SCOC: variants seen among roughly 807,000 people sequenced by gnomAD.
The protein encoded by SCOC is short coiled coil protein.
A neutral mutation model predicts 9.9 loss-of-function variants in SCOC; 7 were observed. That is an observed-to-expected ratio of 0.71 (90% CI 0.40 to 1.33). The LOEUF is 1.33. Ranked by LOEUF, SCOC falls within the 40% of genes most tolerant of loss-of-function variation. SCOC has a pLI of 0.01. For missense variants in SCOC, 66 were observed against 89.7 expected, an observed-to-expected ratio of 0.74 and a Z score of 1.07; for synonymous variants, 19 against 28.2, an observed-to-expected ratio of 0.67 and a Z score of 1.03.
At chr4:140,333,000 G>A (rs1391725127) in intron 1 of SCOC, among the ~76,000 whole-genome samples, 2 of 152,038 alleles carry the variant, frequency 1.3e-5, no homozygotes, top group South Asian at 4.2e-4. Flanking sequence ...AACTTAAAAG[G>A]GCCTGTGAGG....
chr4:140,307,804 C>T (rs902738312), intron 1 of SCOC, among the ~76,000 whole-genome samples: 1 of 152,174 alleles, frequency 6.6e-6, no homozygotes, highest in African/African-American at 2.4e-5. Flanking sequence ...TATGCCTTTA[C>T]ATTAAATATT....
chr4:140,357,101 C>T (rs1389035228), intron 2 of SCOC, among the ~76,000 whole-genome samples: 1 of 152,100 alleles, frequency 6.6e-6, no homozygotes, highest in Non-Finnish European at 1.5e-5. Context: ...TCTGGAGTAG[C>T]TGAGACTACA....
intron 2 of SCOC, among the ~76,000 whole-genome samples, chr4:140,356,679 A>G (rs1727243426): frequency 1.3e-5 from 2 of 152,180 alleles, no homozygotes; most frequent in Admixed American, 1.3e-4. Flanking sequence ...TTCTCATTGC[A>G]TACTGTCAGG....
chr4:140,273,429 T>A (rs969564845), intron 1 of SCOC, among the ~76,000 whole-genome samples: 2 of 152,220 alleles, frequency 1.3e-5, no homozygotes, highest in Non-Finnish European at 2.9e-5. Context: ...TTTTTTCTTT[T>A]ACACATCTTT....
chr4:140,379,514 C>G lies in SCOC; in HGVS notation c.23-55C>G, dbSNP rs546847290. On this transcript the variant is annotated intron_variant, in intron 2 of 3. Coordinates refer to ENST00000608372, the MANE Select transcript of SCOC (RefSeq NM_001153484.2). The stretch of plus-strand genomic sequence containing the variant: ...ATTTTGCAGATTTTTAAGTGCTACC[C>G]TACACAAATGTACCTAATGCTAATT... 18 of 1,288,886 alleles carry G rather than the reference C, an allele frequency of 1.4e-5. No homozygotes were observed. In the South Asian group the frequency reaches 1.7e-4, roughly 12 times the overall value. The allele number at this position is 1,288,886 out of a possible 1,614,324, so 79.8% of individuals were successfully genotyped here.
In SCOC at chr4:140,380,956, A is replaced by T; in HGVS notation, c.107-6A>T. The T allele has an allele frequency of 6.5e-7, 1 of 1,545,300 alleles. No individual in the cohort carries two copies. Among genetic ancestry groups the T allele is most frequent in the Non-Finnish European group, 8.7e-7 (1 of 1,153,286 alleles). On this transcript the variant is annotated splice_region_variant and splice_polypyrimidine_tract_variant and intron_variant, in intron 3 of 3. Transcript: ENST00000608372. ...TTGATAATGGGCATTTTTATTTTTTATATAGATCTCTCTGCAAGAGTAGAT... is the reference window on the plus strand; with the variant it reads ...TTGATAATGGGCATTTTTATTTTTTTTATAGATCTCTCTGCAAGAGTAGAT...
At chr4:140,372,948 C>T (rs1170434621), upstream of SCOC, among the ~76,000 whole-genome samples, 5 of 152,208 alleles carry the variant, frequency 3.3e-5, no homozygotes, top group Non-Finnish European at 7.3e-5. Flanking sequence ...CAGTTCCTTT[C>T]TGTGGGTTGC....
chr4:140,277,010 GTGTATTTGATAGGGACCAAAAGA>G (rs1560678521), intron 1 of SCOC, among the ~76,000 whole-genome samples: 1 of 152,160 alleles, frequency 6.6e-6, no homozygotes, highest in Non-Finnish European at 1.5e-5. Context: ...CTGAATTTCT[GTGTATTTGATAGGGACCAAAAGA>G]AAGTTCTTGT....
At chr4:140,369,229 T>C (rs1445577485), upstream of SCOC, 1 of 428,798 alleles carries the variant, frequency 2.3e-6, no homozygotes, top group Non-Finnish European at 4.6e-6. Flanking sequence ...TACTGTTGAG[T>C]ATAGTATACT....
upstream of SCOC, among the ~76,000 whole-genome samples, chr4:140,369,919 T>C (rs7657290): frequency 0.96 from 128,315 of 133,588 alleles, 61,655 homozygotes; most frequent in East Asian, 1. Context: ...GCTCTTGTTG[T>C]CCAGGTTGGA....
At chr4:140,380,935 T>TA (rs2126604205) in intron 3 of SCOC, 27 bp from the exon 4 acceptor site, 1 of 1,465,546 alleles carries the variant, frequency 6.8e-7, no homozygotes, top group East Asian at 2.4e-5. Context: ...GTTTTATTGA[T>TA]AATGGGCATT....
chr4:140,379,950 T>G (rs1252225121), intron 3 of SCOC, among the ~76,000 whole-genome samples: 1 of 152,190 alleles, frequency 6.6e-6, no homozygotes, highest in East Asian at 1.9e-4. Flanking sequence ...AAAGCTTATT[T>G]TAAAGTAAAA....
At chr4:140,379,756 G>A (rs1465115936) in intron 3 of SCOC, 104 bp downstream of exon 3, 2 of 774,060 alleles carry the variant, frequency 2.6e-6, no homozygotes, top group Non-Finnish European at 4.3e-6. Context: ...ATTTTTAAAA[G>A]AATGAACTTC....
chr4:140,329,174 A>G (rs1210064283), intron 1 of SCOC, among the ~76,000 whole-genome samples: 1 of 152,228 alleles, frequency 6.6e-6, no homozygotes, highest in Admixed American at 6.5e-5. Context: ...ATCTTTGACA[A>G]AGCAAGCAAA....
chr4:140,367,326 A>G (rs1727847428), intron 2 of SCOC, among the ~76,000 whole-genome samples: 1 of 152,234 alleles, frequency 6.6e-6, no homozygotes, highest in Non-Finnish European at 1.5e-5. Context: ...TGCTTGTTAA[A>G]AACAGAATCT....
intron 1 of SCOC, among the ~76,000 whole-genome samples, chr4:140,330,712 T>A (rs1161650522): frequency 6.6e-6 from 1 of 152,104 alleles, no homozygotes; most frequent in South Asian, 2.1e-4. Flanking sequence ...ATAGTAAGAG[T>A]CAAATGACTT....
chr4:140,359,835 A>T (rs984945242), intron 2 of SCOC, among the ~76,000 whole-genome samples: 6 of 152,086 alleles, frequency 3.9e-5, no homozygotes, highest in African/African-American at 1.4e-4. Flanking sequence ...CTCCTCACAC[A>T]CCCAGGATAC....
upstream of SCOC, among the ~76,000 whole-genome samples, chr4:140,340,666 A>C (rs1726478424): frequency 6.6e-6 from 1 of 152,020 alleles, no homozygotes; most frequent in Non-Finnish European, 1.5e-5. Flanking sequence ...AAAAGGGAAA[A>C]TATTCACCAT....
At chr4:140,280,931 C>T (rs1408238852) in intron 1 of SCOC, among the ~76,000 whole-genome samples, 1 of 152,216 alleles carries the variant, frequency 6.6e-6, no homozygotes, top group South Asian at 2.1e-4. Flanking sequence ...AGGCAAAAGA[C>T]GGAGGCAGAT....
Sources: gnomAD v4.1 joint callset for allele counts (sites outside exome capture counted in the v4.1 genomes callset) on GRCh38, gnomAD v4.1.1 for gene constraint, MANE v1.5 for transcripts, NCBI Gene and HGNC (gene_info 2026-07-23, HGNC 2026-07-21) for gene names.